Variants in VPS13A observed in about 807,000 individuals in gnomAD.
VPS13A encodes the protein intermembrane lipid transfer protein VPS13A.
Under a neutral mutation model 390.9 loss-of-function variants are expected in VPS13A, and 264 were observed. The ratio of observed to expected loss-of-function variants is 0.68; its 90% CI spans 0.61 to 0.75. The LOEUF is 0.75. Among genes scored for constraint, VPS13A ranks in the 30% least tolerant of loss-of-function variants. The probability of loss-of-function intolerance (pLI) is 0.00; values close to 1 mark genes in which losing one functional copy is unlikely to be tolerated. For missense variants in VPS13A, 3,409 were observed against 3,733.9 expected (o/e 0.91, Z 2.27); for synonymous variants, 1,231 against 1,227.1 (o/e 1.00, Z -0.07).
In VPS13A at chr9:77,308,028, A is replaced by G. The variant is rs2131409405; in HGVS notation, c.4044A>G (p.Ser1348=). The change falls in exon 35 of 72, where the codon TCA becomes TCG. Residue 1348 remains serine, a synonymous_variant. Transcript: ENST00000360280. ...NIWYEKDGSA[S]PAVTKDQYSA... Reference sequence around the variant, plus strand: ...GGTATGAAAAAGATGGTAGTGCCTCACCTGCTGTAACAAAAGACCAATACA... The same window carrying G: ...GGTATGAAAAAGATGGTAGTGCCTCGCCTGCTGTAACAAAAGACCAATACA... The G allele has an allele frequency of 1.2e-6, 2 of 1,613,650 alleles. No homozygotes were observed. Among genetic ancestry groups the G allele is most frequent in the East Asian group, 2.2e-5 (1 of 44,810 alleles).
At chr9:77,274,504 A>C (rs1826533632) in intron 24 of VPS13A, among the ~76,000 whole-genome samples, 1 of 151,976 alleles carries the variant, frequency 6.6e-6, no homozygotes, top group East Asian at 1.9e-4. Flanking sequence ...AAAAAACACC[A>C]CAAAACTTCA....
At chr9:77,336,644 T>G (rs1345154332) in intron 46 of VPS13A, among the ~76,000 whole-genome samples, 1 of 151,664 alleles carries the variant, frequency 6.6e-6, no homozygotes, top group Non-Finnish European at 1.5e-5. Flanking sequence ...TATGTGGTTT[T>G]CTTTGCATAT....
At chr9:77,328,069 A>G (rs1228563712) in intron 45 of VPS13A, among the ~76,000 whole-genome samples, 1 of 152,236 alleles carries the variant, frequency 6.6e-6, no homozygotes, top group African/African-American at 2.4e-5. Context: ...AGTCAAATAT[A>G]CAATGTTACA....
At chr9:77,261,024 A>G (rs1038229278) in intron 23 of VPS13A, among the ~76,000 whole-genome samples, 2 of 151,504 alleles carry the variant, frequency 1.3e-5, no homozygotes, top group African/African-American at 4.9e-5. Context: ...CAGCCTCCTG[A>G]GTGGCTGGGA....
chr9:77,405,002 A>G (rs1165219253), intron 69 of VPS13A, among the ~76,000 whole-genome samples: 1 of 150,524 alleles, frequency 6.6e-6, no homozygotes, highest in Non-Finnish European at 1.5e-5. Flanking sequence ...TTTTTTTTTT[A>G]ACTCAATCTA....
intron 22 of VPS13A, among the ~76,000 whole-genome samples, chr9:77,259,548 G>C (rs181586722): frequency 0.012 from 1,797 of 152,256 alleles, 16 homozygotes; most frequent in Non-Finnish European, 0.02. Flanking sequence ...CTCTCTCTCT[G>C]ATAGTGAAAA....
At chr9:77,387,215 T>C (rs1177347453) in intron 68 of VPS13A, among the ~76,000 whole-genome samples, 1 of 152,176 alleles carries the variant, frequency 6.6e-6, no homozygotes. Flanking sequence ...GGCAAAAATA[T>C]ATTCTTATTT....
chr9:77,204,655 C>T (rs1398066490), intron 3 of VPS13A, among the ~76,000 whole-genome samples: 1 of 152,076 alleles, frequency 6.6e-6, no homozygotes, highest in Non-Finnish European at 1.5e-5. Context: ...AGGTAAAGGT[C>T]TCACTCTGTC....
At chr9:77,336,956 C>G (rs1830571318) in intron 46 of VPS13A, among the ~76,000 whole-genome samples, 1 of 151,584 alleles carries the variant, frequency 6.6e-6, no homozygotes, top group Non-Finnish European at 1.5e-5. Flanking sequence ...ATCACCATGC[C>G]CGGCTAATTT....
At chr9:77,376,215 G>C (rs1007943120) in intron 67 of VPS13A, among the ~76,000 whole-genome samples, 1 of 152,216 alleles carries the variant, frequency 6.6e-6, no homozygotes, top group African/African-American at 2.4e-5. Context: ...GCCTGGAGTA[G>C]AGTGAGGAAC....
At chr9:77,239,155 A>G (rs1003107902) in intron 19 of VPS13A, among the ~76,000 whole-genome samples, 1 of 151,714 alleles carries the variant, frequency 6.6e-6, no homozygotes, top group Non-Finnish European at 1.5e-5. Context: ...AGATTTTTCT[A>G]TTTCTAATAG....
intron 1 of VPS13A, among the ~76,000 whole-genome samples, chr9:77,182,069 C>T (rs754838720): frequency 1.7e-4 from 26 of 152,104 alleles, no homozygotes; most frequent in Non-Finnish European, 2.8e-4. Context: ...TTTATCTTCC[C>T]AACTTTCTCC....
intron 21 of VPS13A, among the ~76,000 whole-genome samples, chr9:77,250,639 A>G (rs539269008): frequency 5.9e-5 from 9 of 152,208 alleles, no homozygotes; most frequent in Non-Finnish European, 1.2e-4. Context: ...ATTACTACAC[A>G]GTTGGATAAC....
Position 77,303,045 on chromosome 9 carries a change from C to T in VPS13A, c.3943C>T (p.Gln1315Ter). ...QEVPCFNVNA[Q>*]LKPMEFILSQ... ...AGTTCCTTGTTTTAATGTAAATGCT[C>T]AGCTGAAACCAATGGAGGTAACTTT... Residue 1315 changes from glutamine (Q) to a stop codon, truncating the protein, a stop_gained, in exon 34 of 72, where the codon CAG becomes TAG. Transcript: ENST00000360280. LOFTEE classifies it high-confidence loss of function. 3 of 1,613,874 alleles carry T rather than the reference C, an allele frequency of 1.9e-6. No individual in the cohort carries two copies. Among genetic ancestry groups the T allele is most frequent in the Non-Finnish European group, 2.5e-6 (3 of 1,179,938 alleles).
At chr9:77,274,280 T>A (rs1036140126) in intron 24 of VPS13A, among the ~76,000 whole-genome samples, 3 of 151,966 alleles carry the variant, frequency 2.0e-5, no homozygotes, top group Non-Finnish European at 4.4e-5. Flanking sequence ...GTACAAAAAT[T>A]AGCTGGGAGT....
chr9:77,197,029 C>T (rs1035782809), intron 1 of VPS13A, among the ~76,000 whole-genome samples: 1 of 152,060 alleles, frequency 6.6e-6, no homozygotes, highest in South Asian at 2.1e-4. Flanking sequence ...TTGATGATAG[C>T]CAGTCTAATA....
chr9:77,319,809 G>T, intron 42 of VPS13A, 136 bp downstream of exon 42: 1 of 520,298 alleles, frequency 1.9e-6, no homozygotes, highest in Non-Finnish European at 3.3e-6. Flanking sequence ...ACCTACTTCT[G>T]CACATGTATA....
intron 60 of VPS13A, 59 bp from the exon 61 acceptor site, chr9:77,366,668 A>G (rs965654548): frequency 9.8e-6 from 14 of 1,434,954 alleles, no homozygotes; most frequent in African/African-American, 2.8e-5. Context: ...ATTTTTTAAG[A>G]GTTAAAATTG....
At chr9:77,400,827 G>GAA (rs60578931) in intron 68 of VPS13A, among the ~76,000 whole-genome samples, 3,320 of 133,300 alleles carry the variant, frequency 0.025, 115 homozygotes, top group African/African-American at 0.081. Flanking sequence ...GACTCTGTCT[G>GAA]AAAAAAAAAA....
Sources: allele counts gnomAD v4.1 joint callset (sites outside exome capture counted in the v4.1 genomes callset), GRCh38; gene constraint gnomAD v4.1.1; transcripts MANE v1.5; gene names NCBI Gene and HGNC (gene_info 2026-07-23, HGNC 2026-07-21).